ZFAND3: variants seen among roughly 807,000 people sequenced by gnomAD.
The protein encoded by ZFAND3 is zinc finger AN1-type containing 3, also known as AN1-type zinc finger protein 3.
ZFAND3 carries 10 observed loss-of-function variants against 29.6 expected under a neutral mutation model. The ratio of observed to expected loss-of-function variants is 0.34; its 90% CI spans 0.21 to 0.57. The LOEUF (loss-of-function observed/expected upper bound fraction) is 0.57, where lower values mean the gene tolerates loss of function less well. ZFAND3 is among the 20% of genes least tolerant of loss of function. ZFAND3 has a pLI of 0.86. For missense variants in ZFAND3, 230 were observed against 304.5 expected (o/e 0.76, Z 1.82); for synonymous variants, 128 against 112.6 (o/e 1.14, Z -0.87).
intron 2 of ZFAND3, among the ~76,000 whole-genome samples, chr6:37,970,899 C>T (rs140167480): frequency 1.9e-3 from 280 of 150,970 alleles, no homozygotes; most frequent in African/African-American, 6.5e-3. Context: ...AGCGAGACTC[C>T]GTCTCAAAAC....
intron 2 of ZFAND3, among the ~76,000 whole-genome samples, chr6:37,963,001 T>C (rs965158369): frequency 1.3e-5 from 2 of 151,926 alleles, no homozygotes; most frequent in African/African-American, 2.4e-5. Context: ...GGTCTGCGGC[T>C]TCACTCCTGA....
chr6:37,922,131 G>A (rs1761393195), intron 1 of ZFAND3, among the ~76,000 whole-genome samples: 1 of 151,924 alleles, frequency 6.6e-6, no homozygotes, highest in Admixed American at 6.6e-5. Flanking sequence ...ATTCAAAATA[G>A]TATGTAGAAC....
chr6:38,045,349 A>G (rs1581868022), intron 2 of ZFAND3, among the ~76,000 whole-genome samples: 2 of 152,208 alleles, frequency 1.3e-5, no homozygotes, highest in African/African-American at 4.8e-5. Context: ...TCGGCCTTCC[A>G]AAGTAGTGGG....
intron 2 of ZFAND3, among the ~76,000 whole-genome samples, chr6:38,045,099 T>C (rs1255409842): frequency 6.7e-6 from 1 of 149,196 alleles, no homozygotes; most frequent in African/African-American, 2.5e-5. Context: ...TATTTATTTA[T>C]TTATTGAGAT....
In ZFAND3 at chr6:37,953,632, TG is replaced by T. The variant is rs559484708; in HGVS notation, c.112+23634del. ...CACCTGGCTATTTTTTTTTATTTTTTGTAGAGACAGGGTCTCAGTATATTTC... is the reference window on the plus strand; with the variant it reads ...CACCTGGCTATTTTTTTTTATTTTTTTAGAGACAGGGTCTCAGTATATTTC... On this transcript the variant is annotated intron_variant, in intron 2 of 5. Transcript: ENST00000287218. Among the ~76,000 whole-genome samples, 263 of 151,940 alleles carry T rather than the reference TG, an allele frequency of 1.7e-3. 1 individual carries two copies. Among genetic ancestry groups the T allele is most frequent in the African/African-American group, 6.1e-3 (252 of 41,450 alleles).
At chr6:38,088,282 C>T (rs1764796478) in intron 4 of ZFAND3, 1 of 152,038 alleles carries the variant, frequency 6.6e-6, no homozygotes. Context: ...TTGAAATAAG[C>T]CAGGCACAGA....
At chr6:37,833,871 G>A (rs956178487) in intron 1 of ZFAND3, among the ~76,000 whole-genome samples, 2 of 150,372 alleles carry the variant, frequency 1.3e-5, no homozygotes, top group East Asian at 1.9e-4. Flanking sequence ...AGGAGTTTCA[G>A]GTTTACAACA....
chr6:37,883,786 T>C lies in ZFAND3; in HGVS notation c.72-46173T>C, dbSNP rs190893316. On this transcript the variant is annotated intron_variant, in intron 1 of 5. Coordinates refer to ENST00000287218, the MANE Select transcript of ZFAND3 (RefSeq NM_021943.3). ...TGAACTCCTGACCTCATGATCCACC[T>C]GTCTCGGCCTCCCAAAGTGCTGGGA... Among the ~76,000 whole-genome samples, 659 of 145,594 alleles carry C rather than the reference T, an allele frequency of 4.5e-3. 62 individuals are homozygous for C. The highest frequency in any genetic ancestry group is 0.04 in the Admixed American group (598 of 14,952).
chr6:38,134,008 T>C (rs922889820), intron 5 of ZFAND3, among the ~76,000 whole-genome samples: 2 of 152,164 alleles, frequency 1.3e-5, no homozygotes, highest in Admixed American at 1.3e-4. Flanking sequence ...CACTTCCCCG[T>C]TTCAGAGATG....
At chr6:38,111,335 G>A (rs1303170117) in intron 4 of ZFAND3, among the ~76,000 whole-genome samples, 1 of 152,084 alleles carries the variant, frequency 6.6e-6, no homozygotes, top group Non-Finnish European at 1.5e-5. Flanking sequence ...TAGTTTTTTT[G>A]TCATTATTCC....
At chr6:37,926,920 A>C (rs1377146365) in intron 1 of ZFAND3, among the ~76,000 whole-genome samples, 2 of 152,226 alleles carry the variant, frequency 1.3e-5, no homozygotes, top group Non-Finnish European at 2.9e-5. Flanking sequence ...AGTCTCTGCC[A>C]GTTCTTTTGG....
At chr6:38,150,194 G>A (rs1007127140) in intron 5 of ZFAND3, among the ~76,000 whole-genome samples, 1 of 152,204 alleles carries the variant, frequency 6.6e-6, no homozygotes, top group Non-Finnish European at 1.5e-5. Context: ...ATCAGTAAAT[G>A]TAACACATGA....
At chr6:37,960,250 A>AC (rs1207853195) in intron 2 of ZFAND3, among the ~76,000 whole-genome samples, 1 of 152,136 alleles carries the variant, frequency 6.6e-6, no homozygotes, top group Non-Finnish European at 1.5e-5. Context: ...CAGCCAACTC[A>AC]CTCATGCCTG....
chr6:38,076,211 A>T (rs1392774538), intron 3 of ZFAND3, among the ~76,000 whole-genome samples: 1 of 152,140 alleles, frequency 6.6e-6, no homozygotes, highest in African/African-American at 2.4e-5. Context: ...TTTTTTTAGA[A>T]ATAAAGTTTT....
rs762332938 is a variant in ZFAND3 at position 38,061,659 on chromosome 6, T to C, written c.179T>C (p.Phe60Ser). 6.2e-7 allele frequency: 1 copy of C among 1,614,204 alleles called. No homozygotes were observed. Among genetic ancestry groups the C allele is most frequent in the East Asian group, 2.2e-5 (1 of 44,886 alleles). Residue 60 changes from phenylalanine (F) to serine (S), a missense_variant, in exon 3 of 6, where the codon TTT (phenylalanine) becomes TCT (serine). Coordinates refer to ENST00000287218, the MANE Select transcript of ZFAND3 (RefSeq NM_021943.3). Reference protein sequence around the residue: ...PSTSNSQSDLFSEETTSDNNN... With the variant: ...PSTSNSQSDLSSEETTSDNNN... ...ACAAGTAACAGCCAATCAGATTTGT[T>C]TTCCGAAGAGACCACCAGTGACAAC...
intron 2 of ZFAND3, among the ~76,000 whole-genome samples, chr6:38,008,973 C>G (rs983883880): frequency 6.6e-6 from 1 of 152,132 alleles, no homozygotes; most frequent in African/African-American, 2.4e-5. Flanking sequence ...AGAATCCCTT[C>G]AAAGTTTGCT....
At chr6:37,918,296 C>G (rs1008081505) in intron 1 of ZFAND3, among the ~76,000 whole-genome samples, 4 of 152,160 alleles carry the variant, frequency 2.6e-5, no homozygotes, top group African/African-American at 9.6e-5. Context: ...AGGATGGTCT[C>G]GATCTCCTGA....
intron 4 of ZFAND3, among the ~76,000 whole-genome samples, chr6:38,085,443 G>A (rs1405686696): frequency 2.0e-5 from 3 of 152,168 alleles, no homozygotes; most frequent in African/African-American, 7.2e-5. Flanking sequence ...TTAGACTAAG[G>A]TGGTTCTTTA....
intron 2 of ZFAND3, among the ~76,000 whole-genome samples, chr6:37,999,331 A>G (rs765464638): frequency 6.6e-6 from 1 of 152,232 alleles, no homozygotes; most frequent in Non-Finnish European, 1.5e-5. Flanking sequence ...TAAATTTGCC[A>G]TGTAGCATTC....
Sources: allele counts gnomAD v4.1 joint callset (sites outside exome capture counted in the v4.1 genomes callset), GRCh38; gene constraint gnomAD v4.1.1; transcripts MANE v1.5; gene names NCBI Gene and HGNC (gene_info 2026-07-23, HGNC 2026-07-21).